Variants in CFLAR observed in about 807,000 individuals in gnomAD.
The protein encoded by CFLAR is CASP8 and FADD like apoptosis regulator.
CFLAR carries 14 observed loss-of-function variants against 51.1 expected under a neutral mutation model. That is an observed-to-expected ratio of 0.27 (90% CI 0.18 to 0.43). The LOEUF (loss-of-function observed/expected upper bound fraction) is 0.43. Ranked by LOEUF, CFLAR falls within the 20% of genes least tolerant of loss-of-function variation. The pLI is 1.00. For synonymous variants in CFLAR, 210 were observed against 211.6 expected (o/e 0.99, Z 0.06); for missense variants, 390 against 566.5 (o/e 0.69, Z 3.16).
chr2:201,172,824 T>G lies in CFLAR; in HGVS notation c.*8851T>G, dbSNP rs1391066765. 6.6e-6 allele frequency: 1 copy of G among 152,212 alleles called. No individual in the cohort carries two copies. The highest frequency in any genetic ancestry group is 2.4e-5 in the African/African-American group (1 of 41,450). 9.4% of individuals were successfully genotyped at this position (152,212 alleles called of 1,614,324 possible). A position where few individuals can be genotyped will look rare whatever the true frequency, so the allele number is the denominator to read the frequency against. Reference sequence around the variant, plus strand: ...TGATCGAAATTTAGACTGTTTCCACTTTTTTGCTATTATGGATGATGCTGC... The same window carrying G: ...TGATCGAAATTTAGACTGTTTCCACGTTTTTGCTATTATGGATGATGCTGC... On this transcript the variant is annotated 3_prime_UTR_variant, in exon 10 of 10. Transcript: ENST00000309955.
intron 1 of CFLAR, among the ~76,000 whole-genome samples, chr2:201,128,575 G>A (rs987994457): frequency 6.6e-6 from 1 of 151,954 alleles, no homozygotes; most frequent in Admixed American, 6.6e-5. Context: ...ATCTTTTGTG[G>A]ACTGATACTG....
At chr2:201,133,666 C>T (rs1386277713) in intron 3 of CFLAR, among the ~76,000 whole-genome samples, 1 of 152,140 alleles carries the variant, frequency 6.6e-6, no homozygotes, top group East Asian at 1.9e-4. Context: ...CGCAGTGGCT[C>T]ATGCCTGTAA....
intron 8 of CFLAR, chr2:201,150,604 C>T (rs1249194349): frequency 6.6e-6 from 1 of 152,134 alleles, no homozygotes; most frequent in East Asian, 1.9e-4. Flanking sequence ...GTTCATGTGG[C>T]TATTCAGTGG....
At chr2:201,135,640 T>G (rs1161748784) in intron 3 of CFLAR, among the ~76,000 whole-genome samples, 1 of 152,154 alleles carries the variant, frequency 6.6e-6, no homozygotes, top group African/African-American at 2.4e-5. Context: ...GCTCTATTTT[T>G]TTTTTTTGAG....
chr2:201,129,197 A>C (rs2048995125), intron 1 of CFLAR: 1 of 152,248 alleles, frequency 6.6e-6, no homozygotes, highest in Non-Finnish European at 1.5e-5. Context: ...GGGGCTTTTG[A>C]AGTAGGAGAG....
At chr2:201,161,487 C>T (rs1156359494) in intron 9 of CFLAR, among the ~76,000 whole-genome samples, 2 of 150,428 alleles carry the variant, frequency 1.3e-5, no homozygotes, top group Non-Finnish European at 2.9e-5. Context: ...AATCTTGGCT[C>T]ACTGCAACCT....
chr2:201,128,089 A>G (rs749048782), intron 1 of CFLAR, among the ~76,000 whole-genome samples: 1 of 152,038 alleles, frequency 6.6e-6, no homozygotes, highest in Non-Finnish European at 1.5e-5. Context: ...ATAATATCTC[A>G]TTTCTTAGTC....
At position 201,160,827 on chromosome 2, in the gene CFLAR, C is replaced by T. The variant is rs542044212; in HGVS notation, c.1189C>T (p.Arg397Ter). 3 of 1,614,026 alleles carry T rather than the reference C, an allele frequency of 1.9e-6. No homozygotes were observed. The highest frequency in any genetic ancestry group is 2.5e-6 in the Non-Finnish European group (3 of 1,179,922). ...GAAGCGAGGGCTGTGCACAGTTCAC[C>T]GAGAAGCTGACTTCTTCTGGAGCCT... is the stretch of plus-strand genomic sequence containing the variant. ...AQKRGLCTVH[R>*]EADFFWSLCT... Residue 397 changes from arginine (R) to a stop codon, truncating the protein, a stop_gained, in exon 9 of 10, where the codon CGA becomes TGA. Transcript: ENST00000309955. LOFTEE classifies it high-confidence loss of function.
In CFLAR at chr2:201,116,897, T is replaced by G. The variant is rs1166589768; in HGVS notation, c.-138+416T>G. 1 of 152,288 alleles carries G rather than the reference T, an allele frequency of 6.6e-6. No individual in the cohort carries two copies. Among genetic ancestry groups the G allele is most frequent in the African/African-American group, 2.4e-5 (1 of 41,454 alleles). 9.4% of individuals were successfully genotyped at this position (152,288 alleles called of 1,614,324 possible). On this transcript the variant is annotated intron_variant, in intron 1 of 9. Transcript: ENST00000309955. This position sits in a 1 kb window ranked among gnomAD's most constrained non-coding sequence, Gnocchi z 4.8. ...AGACCGGAAGTAACCCTTGGCCAACTCTGGCCGCCCCCTGCAGCCGCAGCC... is the reference window on the plus strand; with the variant it reads ...AGACCGGAAGTAACCCTTGGCCAACGCTGGCCGCCCCCTGCAGCCGCAGCC...
intron 9 of CFLAR, among the ~76,000 whole-genome samples, chr2:201,161,929 T>C (rs1172600080): frequency 2.0e-5 from 3 of 151,792 alleles, no homozygotes; most frequent in African/African-American, 7.2e-5. Flanking sequence ...GTATTTTTAG[T>C]GGAGACAGGG....
At chr2:201,132,569 G>A (rs55953858) in intron 2 of CFLAR, among the ~76,000 whole-genome samples, 38,325 of 151,630 alleles carry the variant, frequency 0.25, 5,994 homozygotes, top group African/African-American at 0.44. Context: ...GTGGGCCAGG[G>A]TATCTCAGGT....
rs925878984 is a variant in CFLAR at position 201,172,954 on chromosome 2, G to A, written c.*8981G>A. On this transcript the variant is annotated 3_prime_UTR_variant, in exon 10 of 10. Coordinates refer to ENST00000309955, the MANE Select transcript of CFLAR (RefSeq NM_003879.7). ...TCATCATATAGTAACTCTATGTTTAGCCTTTTGAGGAACTGCCAAACTGCT... is the reference window on the plus strand; with the variant it reads ...TCATCATATAGTAACTCTATGTTTAACCTTTTGAGGAACTGCCAAACTGCT... The A allele has an allele frequency of 5.9e-5, 9 of 152,182 alleles. No homozygotes were observed. Among genetic ancestry groups the A allele is most frequent in the Admixed American group, 1.3e-4 (2 of 15,276 alleles). 9.4% of individuals were successfully genotyped at this position (152,182 alleles called of 1,614,324 possible).
intron 2 of CFLAR, 41 bp downstream of exon 2, chr2:201,130,187 G>GGGGGGGGGGGGGGGGGGGCC: frequency 3.4e-6 from 1 of 292,394 alleles, no homozygotes; most frequent in Non-Finnish European, 7.1e-6. Context: ...GGGTGGGAGG[G>GGGGGGGGGGGGGGGGGGGCC]AGTGAAGTGT....
intron 8 of CFLAR, among the ~76,000 whole-genome samples, chr2:201,152,207 C>T (rs1205953412): frequency 6.6e-6 from 1 of 152,226 alleles, no homozygotes; most frequent in Non-Finnish European, 1.5e-5. Context: ...GTTGGCCAGG[C>T]TGGTCTCGAA....
Position 201,116,676 on chromosome 2 carries a change from G to T in CFLAR, c.-138+195G>T, listed in dbSNP as rs1313043488. Among the ~76,000 whole-genome samples the T allele has an allele frequency of 6.6e-6, 1 of 152,240 alleles. No homozygotes were observed. The highest frequency in any genetic ancestry group is 6.5e-5 in the Admixed American group (1 of 15,284). On this transcript the variant is annotated intron_variant, in intron 1 of 9. Coordinates refer to ENST00000309955, the MANE Select transcript of CFLAR (RefSeq NM_003879.7). The surrounding 1 kb of genome is among the most constrained non-coding windows in gnomAD (Gnocchi z 4.8). ...CCGGCAGTGGCCAGGGGATGGCGGGGGCGCTTCTGGAACCTGACTCAGTTT... is the reference window on the plus strand; with the variant it reads ...CCGGCAGTGGCCAGGGGATGGCGGGTGCGCTTCTGGAACCTGACTCAGTTT...
At position 201,171,418 on chromosome 2, in the gene CFLAR, CAT is replaced by C. The variant is rs955060777; in HGVS notation, c.*7446_*7447del. The C allele has an allele frequency of 6.6e-6, 1 of 152,116 alleles. No individual in the cohort carries two copies. Among genetic ancestry groups the C allele is most frequent in the Non-Finnish European group, 1.5e-5 (1 of 68,030 alleles). 9.4% of individuals were successfully genotyped at this position (152,116 alleles called of 1,614,324 possible). On this transcript the variant is annotated 3_prime_UTR_variant, in exon 10 of 10. Coordinates refer to ENST00000309955, the MANE Select transcript of CFLAR (RefSeq NM_003879.7). ...CAGAGGAGCAGGAAACCAAACACCACATGTTCTCACTTGTAAGCGGAAGCTGA... is the reference window on the plus strand; with the variant it reads ...CAGAGGAGCAGGAAACCAAACACCACGTTCTCACTTGTAAGCGGAAGCTGA...
chr2:201,136,837 C>T lies in CFLAR; in HGVS notation c.523+730C>T, dbSNP rs1426680369. 1.9e-5 allele frequency: 5 copies of T among 258,052 alleles called. No homozygotes were observed. In the East Asian group the frequency reaches 2.7e-4, roughly 14 times the overall value. The allele number at this position is 258,052 out of a possible 1,614,324, so 16.0% of individuals were successfully genotyped here. ...TGCTTGATTTATTCCGATTATTTAACACACAGGGACGCAACAGTGATCCCA... is the reference window on the plus strand; with the variant it reads ...TGCTTGATTTATTCCGATTATTTAATACACAGGGACGCAACAGTGATCCCA... On this transcript the variant is annotated intron_variant, in intron 4 of 9. Coordinates refer to ENST00000309955, the MANE Select transcript of CFLAR (RefSeq NM_003879.7).
intron 9 of CFLAR, among the ~76,000 whole-genome samples, chr2:201,161,786 GC>G (rs1943060565): frequency 9.9e-6 from 1 of 101,278 alleles, no homozygotes; most frequent in African/African-American, 3.9e-5. Flanking sequence ...CACTCTTGTT[GC>G]CCAGGCTGGA....
In CFLAR at chr2:201,160,827, C is replaced by G. The variant is rs542044212; in HGVS notation, c.1189C>G (p.Arg397Gly). The change falls in exon 9 of 10, where the codon CGA (arginine) becomes GGA (glycine). Residue 397 changes from arginine to glycine, a missense_variant. Around this residue, in one of 2 missense-constraint regions of CFLAR, gnomAD observed 287 missense variants for 363.6 expected, o/e 0.79. Transcript: ENST00000309955. ...GAAGCGAGGGCTGTGCACAGTTCAC[C>G]GAGAAGCTGACTTCTTCTGGAGCCT... is the stretch of plus-strand genomic sequence containing the variant. The part of the protein sequence containing the change: ...AQKRGLCTVH[R>G]EADFFWSLCT... The G allele has an allele frequency of 3.1e-6, 5 of 1,614,026 alleles. No individual in the cohort carries two copies. In the Admixed American group the frequency reaches 8.3e-5, roughly 27 times the overall value.
Sources: allele counts gnomAD v4.1 joint callset (sites outside exome capture counted in the v4.1 genomes callset), GRCh38; gene constraint gnomAD v4.1.1; regional missense constraint gnomAD v4.1.1; non-coding constraint Gnocchi (gnomAD v3.1); transcripts MANE v1.5; gene names NCBI Gene and HGNC (gene_info 2026-07-23, HGNC 2026-07-21).